Variants in LHFPL3 observed in about 807,000 individuals in gnomAD.
LHFPL3 encodes LHFPL tetraspan subfamily member 3.
A neutral mutation model predicts 19.3 loss-of-function variants in LHFPL3; 5 were observed. That is an observed-to-expected ratio of 0.26 (90% confidence interval 0.14 to 0.54). The LOEUF is 0.54. Ranked by LOEUF, LHFPL3 falls within the 20% of genes least tolerant of loss-of-function variation. The pLI is 0.94. For missense variants in LHFPL3, 249 were observed against 307.4 expected (o/e 0.81, Z 1.42); for synonymous variants, 133 against 126.2 (o/e 1.05, Z -0.36).
At chr7:104,694,280 G>A (rs1160638624) in intron 1 of LHFPL3, among the ~76,000 whole-genome samples, 1 of 152,134 alleles carries the variant, frequency 6.6e-6, no homozygotes, top group Admixed American at 6.5e-5. Context: ...GTATGTTACA[G>A]TACTAAAATT....
intron 1 of LHFPL3, among the ~76,000 whole-genome samples, chr7:104,391,847 C>T (rs936533465): frequency 6.6e-6 from 1 of 152,034 alleles, no homozygotes; most frequent in African/African-American, 2.4e-5. Context: ...TGTTTGTATC[C>T]TCTTTTATTT....
intron 2 of LHFPL3, among the ~76,000 whole-genome samples, chr7:104,771,181 C>G (rs561089697): frequency 1.8e-4 from 28 of 152,268 alleles, no homozygotes; most frequent in Non-Finnish European, 3.7e-4. Flanking sequence ...CAGTAGACCC[C>G]CTCAACAAAT....
chr7:104,436,549 A>T (rs1792109219), intron 1 of LHFPL3, among the ~76,000 whole-genome samples: 1 of 152,174 alleles, frequency 6.6e-6, no homozygotes, highest in Non-Finnish European at 1.5e-5. Flanking sequence ...TTTATTTTTT[A>T]AAATCTTGGT....
intron 1 of LHFPL3, among the ~76,000 whole-genome samples, chr7:104,640,389 GTGCTAGTT>G (rs774349770): frequency 1.3e-5 from 2 of 152,120 alleles, no homozygotes; most frequent in Non-Finnish European, 2.9e-5. Flanking sequence ...TTCTGTTCCT[GTGCTAGTT>G]TGCTGAGGAT....
At chr7:104,414,268 T>G (rs1791582623) in intron 1 of LHFPL3, among the ~76,000 whole-genome samples, 1 of 152,206 alleles carries the variant, frequency 6.6e-6, no homozygotes, top group Non-Finnish European at 1.5e-5. Flanking sequence ...TTAATTAGAA[T>G]TTCCCTTCGG....
chr7:104,668,980 G>A, intron 1 of LHFPL3: 1 of 1,612,246 alleles, frequency 6.2e-7, no homozygotes, highest in Non-Finnish European at 8.5e-7. Context: ...AGAAACTCAG[G>A]AACGGGAACG....
intron 1 of LHFPL3, among the ~76,000 whole-genome samples, chr7:104,408,481 A>G (rs1034778401): frequency 6.6e-6 from 1 of 152,144 alleles, no homozygotes; most frequent in African/African-American, 2.4e-5. Context: ...GTCTTCTACA[A>G]TCCCCAAATA....
At chr7:104,786,723 T>TGTACAC (rs1554344764) in intron 2 of LHFPL3, 24,211 of 150,528 alleles carry the variant, frequency 0.16, 2,586 homozygotes, top group East Asian at 0.6. Context: ...TGTGTGTACG[T>TGTACAC]GCTATATAAA....
intron 1 of LHFPL3, among the ~76,000 whole-genome samples, chr7:104,409,158 G>T (rs1288448469): frequency 6.6e-6 from 1 of 151,890 alleles, no homozygotes; most frequent in Non-Finnish European, 1.5e-5. Context: ...TTAGAGGCGT[G>T]AGCCACGGCG....
chr7:104,415,479 C>A (rs746211658), intron 1 of LHFPL3, among the ~76,000 whole-genome samples: 6 of 152,040 alleles, frequency 3.9e-5, no homozygotes, highest in African/African-American at 1.4e-4. Flanking sequence ...CCTTCCCATC[C>A]CTTCTGTAAT....
intron 2 of LHFPL3, among the ~76,000 whole-genome samples, chr7:104,840,182 A>G (rs921368269): frequency 6.6e-6 from 1 of 151,928 alleles, no homozygotes; most frequent in Non-Finnish European, 1.5e-5. Flanking sequence ...ATCCAGCCCT[A>G]AACTTCTTTG....
intron 1 of LHFPL3, among the ~76,000 whole-genome samples, chr7:104,607,602 C>G (rs1584435458): frequency 6.6e-6 from 1 of 152,146 alleles, no homozygotes; most frequent in East Asian, 1.9e-4. Context: ...GACTTCATGT[C>G]TAAAACACCA....
intron 1 of LHFPL3, among the ~76,000 whole-genome samples, chr7:104,731,574 G>C (rs1414491049): frequency 3.3e-5 from 5 of 151,918 alleles, no homozygotes; most frequent in African/African-American, 1.2e-4. Flanking sequence ...CATTGATTTT[G>C]TATCCTGAGA....
chr7:104,517,140 C>T (rs556647799), intron 1 of LHFPL3, among the ~76,000 whole-genome samples: 9 of 152,002 alleles, frequency 5.9e-5, no homozygotes, highest in Admixed American at 2.0e-4. Flanking sequence ...TGGGGCCTAT[C>T]GGAGGGTGGA....
At chr7:104,596,992 A>G (rs1790875643) in intron 1 of LHFPL3, among the ~76,000 whole-genome samples, 1 of 152,218 alleles carries the variant, frequency 6.6e-6, no homozygotes, top group African/African-American at 2.4e-5. Flanking sequence ...TTTGAACTAC[A>G]GGAGCTCATA....
At chr7:104,895,739 A>G (rs1467226903) in intron 2 of LHFPL3, 1 of 151,746 alleles carries the variant, frequency 6.6e-6, no homozygotes, top group East Asian at 1.9e-4. Flanking sequence ...TCTAACCCCA[A>G]CTCTTCAGTT....
chr7:104,722,428 T>G (rs1458360097), intron 1 of LHFPL3, among the ~76,000 whole-genome samples: 4 of 152,194 alleles, frequency 2.6e-5, no homozygotes, highest in Non-Finnish European at 5.9e-5. Flanking sequence ...TTACATATTT[T>G]GTGTTACGAC....
intron 1 of LHFPL3, among the ~76,000 whole-genome samples, chr7:104,665,201 C>T (rs1792308594): frequency 6.6e-6 from 1 of 152,078 alleles, no homozygotes; most frequent in African/African-American, 2.4e-5. Context: ...TTTATGGAAA[C>T]ATGTTTGTTA....
At chr7:104,811,190 CTTTTCTTTTCT>C (rs1790463496) in intron 2 of LHFPL3, among the ~76,000 whole-genome samples, 1 of 130,426 alleles carries the variant, frequency 7.7e-6, no homozygotes, top group Admixed American at 7.8e-5. Context: ...CTTTTCTTTT[CTTTTCTTTTCT>C]TTTCTTTCTT....
Sources: allele counts gnomAD v4.1 joint callset (sites outside exome capture counted in the v4.1 genomes callset), GRCh38; gene constraint gnomAD v4.1.1; transcripts MANE v1.5; gene names NCBI Gene and HGNC (gene_info 2026-07-23, HGNC 2026-07-21).